The following WDR7 variants were observed in gnomAD, a reference collection of about 807,000 sequenced individuals.
WDR7 encodes the protein WD repeat domain 7, also known as WD repeat-containing protein 7.
WDR7 carries 46 observed loss-of-function variants against 169.4 expected under a neutral mutation model. The ratio of observed to expected loss-of-function variants is 0.27; its 90% CI spans 0.21 to 0.35. WDR7 has a LOEUF of 0.35. WDR7 is among the 10% of genes least tolerant of loss of function. The pLI is 1.00. For synonymous variants in WDR7, 612 were observed against 666.8 expected, an observed-to-expected ratio of 0.92 and a Z score of 1.27; for missense variants, 1,534 against 1,859.3, an observed-to-expected ratio of 0.83 and a Z score of 3.22.
At chr18:56,938,441 C>A in intron 23 of WDR7, 92 bp from the exon 24 acceptor site, 2 of 1,462,806 alleles carry the variant, frequency 1.4e-6, no homozygotes, top group Non-Finnish European at 1.8e-6. Flanking sequence ...TTATTTTTTT[C>A]TATAGTATTA....
At chr18:56,672,814 G>A in intron 2 of WDR7, 140 bp downstream of exon 2, 1 of 803,730 alleles carries the variant, frequency 1.2e-6, no homozygotes, top group East Asian at 3.1e-5. Flanking sequence ...GTAGTATACA[G>A]ATTCATTATT....
chr18:56,797,031 T>C (rs143561359), intron 19 of WDR7, among the ~76,000 whole-genome samples: 3 of 152,270 alleles, frequency 2.0e-5, no homozygotes, highest in African/African-American at 7.2e-5. Flanking sequence ...CATCATGCCT[T>C]TCTTTCCCTC....
intron 26 of WDR7, among the ~76,000 whole-genome samples, chr18:56,991,206 G>A (rs1464400450): frequency 6.9e-6 from 1 of 144,266 alleles, no homozygotes; most frequent in South Asian, 2.2e-4. Context: ...GAGTGAAGTG[G>A]CACGATCGCG....
chr18:56,821,082 G>T (rs2045086717), intron 20 of WDR7, among the ~76,000 whole-genome samples: 2 of 152,060 alleles, frequency 1.3e-5, no homozygotes, highest in African/African-American at 4.8e-5. Flanking sequence ...GTACTTTACT[G>T]CCAGACACTG....
intron 25 of WDR7, among the ~76,000 whole-genome samples, chr18:56,950,369 A>G (rs2047164736): frequency 6.6e-6 from 1 of 152,194 alleles, no homozygotes; most frequent in African/African-American, 2.4e-5. Context: ...CCCTGCCTTG[A>G]TTCGGGTTAA....
intron 25 of WDR7, among the ~76,000 whole-genome samples, chr18:56,949,242 T>C (rs531862062): frequency 6.6e-6 from 1 of 152,274 alleles, no homozygotes; most frequent in South Asian, 2.1e-4. Context: ...TCTCAGGATC[T>C]CATCAAAATT....
At chr18:56,957,887 C>G (rs1411546146) in intron 25 of WDR7, among the ~76,000 whole-genome samples, 1 of 152,124 alleles carries the variant, frequency 6.6e-6, no homozygotes, top group Non-Finnish European at 1.5e-5. Flanking sequence ...ATCCTGAGAT[C>G]ATTGCAAATT....
At chr18:56,805,013 A>G (rs898700007) in intron 19 of WDR7, among the ~76,000 whole-genome samples, 1 of 152,126 alleles carries the variant, frequency 6.6e-6, no homozygotes, top group African/African-American at 2.4e-5. Flanking sequence ...CTGGAAGACC[A>G]ATTGGATGGT....
intron 21 of WDR7, among the ~76,000 whole-genome samples, chr18:56,903,900 G>A (rs972627289): frequency 1.3e-5 from 2 of 151,956 alleles, no homozygotes; most frequent in Non-Finnish European, 2.9e-5. Context: ...ACCTTCCATG[G>A]TTCAAAATCT....
chr18:56,948,834 G>T (rs1484902784), intron 25 of WDR7, among the ~76,000 whole-genome samples: 1 of 152,118 alleles, frequency 6.6e-6, no homozygotes, highest in Admixed American at 6.5e-5. Flanking sequence ...CGTGTCAGGG[G>T]CACACATGGA....
chr18:56,946,958 A>G (rs2047111740), intron 25 of WDR7, among the ~76,000 whole-genome samples: 1 of 152,218 alleles, frequency 6.6e-6, no homozygotes, highest in Non-Finnish European at 1.5e-5. Context: ...TGTTATAGTC[A>G]TAGCTTTAAA....
At chr18:56,745,394 G>T (rs1232577625) in intron 14 of WDR7, among the ~76,000 whole-genome samples, 3 of 152,154 alleles carry the variant, frequency 2.0e-5, no homozygotes, top group Admixed American at 6.5e-5. Flanking sequence ...AGAACAGCAC[G>T]CCCCAACCTT....
chr18:57,023,316 G>A (rs568524899), intron 27 of WDR7, among the ~76,000 whole-genome samples: 23 of 152,262 alleles, frequency 1.5e-4, no homozygotes, highest in Middle Eastern at 6.8e-3. Context: ...TCCAGTAAGT[G>A]TACTGTAATA....
At chr18:56,691,004 A>G (rs1161020988) in intron 7 of WDR7, among the ~76,000 whole-genome samples, 1 of 152,148 alleles carries the variant, frequency 6.6e-6, no homozygotes, top group Non-Finnish European at 1.5e-5. Flanking sequence ...TTCCCTGTCC[A>G]CAGGGAGGTT....
rs1389455514 is a variant in WDR7, at chr18:56,984,792, A to G, written c.4164+22263A>G. Among the ~76,000 whole-genome samples, 3 of 152,236 alleles carry G rather than the reference A, an allele frequency of 2.0e-5. No homozygotes were observed. The East Asian group carries it at 5.8e-4, about 29-fold the overall frequency. ...GGATGAATTTGTGATTGTTAGTTGC[A>G]CAACCAGTTTCCTTTATTTTCATTT... On this transcript the variant is annotated intron_variant, in intron 26 of 27. Coordinates refer to ENST00000254442, the MANE Select transcript of WDR7 (RefSeq NM_015285.3).
At chr18:56,932,849 C>A (rs1470432086) in intron 22 of WDR7, among the ~76,000 whole-genome samples, 1 of 151,270 alleles carries the variant, frequency 6.6e-6, no homozygotes, top group East Asian at 2.0e-4. Context: ...CTCAAGTGCA[C>A]ACATGATTGT....
In WDR7 at chr18:56,960,513, G is replaced by A. The variant is rs137905941; in HGVS notation, c.4065-1917G>A. Among the ~76,000 whole-genome samples, 1,132 of 152,202 alleles carry A rather than the reference G, an allele frequency of 7.4e-3. 16 individuals carry two copies. The highest frequency in any genetic ancestry group is 0.024 in the African/African-American group (1,005 of 41,554). ...TTTCCTGTGCCTATTAACCTGCACA[G>A]AATAAATATTTGCTAAAACATTTGT... On this transcript the variant is annotated intron_variant, in intron 25 of 27. Coordinates refer to ENST00000254442, the MANE Select transcript of WDR7 (RefSeq NM_015285.3).
At chr18:56,978,352 G>A (rs1438267951) in intron 26 of WDR7, among the ~76,000 whole-genome samples, 1 of 152,170 alleles carries the variant, frequency 6.6e-6, no homozygotes, top group Non-Finnish European at 1.5e-5. Flanking sequence ...ATGGCTTTTA[G>A]TGGTAACCAT....
chr18:56,887,354 A>G (rs930250776), intron 21 of WDR7, among the ~76,000 whole-genome samples: 1 of 152,196 alleles, frequency 6.6e-6, no homozygotes, highest in Admixed American at 6.5e-5. Flanking sequence ...TTATGCAAAC[A>G]TTTTAAATAT....
Sources: gnomAD v4.1 joint callset for allele counts (sites outside exome capture counted in the v4.1 genomes callset) on GRCh38, gnomAD v4.1.1 for gene constraint, MANE v1.5 for transcripts, NCBI Gene and HGNC (gene_info 2026-07-23, HGNC 2026-07-21) for gene names.